L3MBTL4: variants seen among roughly 807,000 people sequenced by gnomAD.
The protein encoded by L3MBTL4 is L3MBTL histone methyl-lysine binding protein 4.
Under a neutral mutation model 84.5 loss-of-function variants are expected in L3MBTL4, and 70 were observed. The ratio of observed to expected loss-of-function variants is 0.83; its 90% confidence interval spans 0.68 to 1.01. The LOEUF (loss-of-function observed/expected upper bound fraction) is 1.01, where lower values mean the gene tolerates loss of function less well. Among genes scored for constraint, L3MBTL4 ranks in the 50% least tolerant of loss-of-function variants. The pLI is 0.00. For missense variants in L3MBTL4, 715 were observed against 754.8 expected (o/e 0.95, Z 0.62); for synonymous variants, 274 against 259.8 (o/e 1.05, Z -0.52).
At chr18:5,988,907 C>A (rs1383932397) in intron 16 of L3MBTL4, among the ~76,000 whole-genome samples, 1 of 152,196 alleles carries the variant, frequency 6.6e-6, no homozygotes. Flanking sequence ...GTCCTTACCA[C>A]CAGTTCATTC....
chr18:6,220,516 G>T (rs1226465433), intron 10 of L3MBTL4, among the ~76,000 whole-genome samples: 2 of 151,970 alleles, frequency 1.3e-5, no homozygotes, highest in African/African-American at 2.4e-5. Context: ...TATATAATAG[G>T]GAGCCCCCCT....
At chr18:6,352,576 C>T (rs1002217676) in intron 1 of L3MBTL4, among the ~76,000 whole-genome samples, 5 of 152,200 alleles carry the variant, frequency 3.3e-5, no homozygotes, top group Non-Finnish European at 5.9e-5. Context: ...CTGCCAGGTA[C>T]TTAACATCTA....
chr18:6,082,348 A>C (rs2058107241), intron 15 of L3MBTL4: 1 of 152,040 alleles, frequency 6.6e-6, no homozygotes, highest in Non-Finnish European at 1.5e-5. Flanking sequence ...TGATATTTAC[A>C]TTCTTGTAGG....
At chr18:6,167,121 A>C (rs2061756063) in intron 13 of L3MBTL4, among the ~76,000 whole-genome samples, 1 of 152,204 alleles carries the variant, frequency 6.6e-6, no homozygotes, top group Non-Finnish European at 1.5e-5. Flanking sequence ...CCCAAGACTA[A>C]ACCAGGAAGA....
At chr18:5,984,142 C>T (rs575407942) in intron 16 of L3MBTL4, among the ~76,000 whole-genome samples, 8 of 152,124 alleles carry the variant, frequency 5.3e-5, no homozygotes, top group Non-Finnish European at 8.8e-5. Flanking sequence ...GAACTCCTGA[C>T]CTCAGGTGAT....
At chr18:6,068,854 T>C (rs538015960) in intron 16 of L3MBTL4, among the ~76,000 whole-genome samples, 1 of 152,306 alleles carries the variant, frequency 6.6e-6, no homozygotes, top group South Asian at 2.1e-4. Context: ...TGGAAAGATC[T>C]GGGACTCAAG....
At chr18:6,191,207 G>C (rs2045066644) in intron 12 of L3MBTL4, among the ~76,000 whole-genome samples, 1 of 152,200 alleles carries the variant, frequency 6.6e-6, no homozygotes, top group Admixed American at 6.5e-5. Context: ...GAGGTGGCTG[G>C]AGTGGAAGCT....
intron 13 of L3MBTL4, among the ~76,000 whole-genome samples, chr18:6,161,915 A>G (rs2043356636): frequency 2.7e-5 from 4 of 150,430 alleles, no homozygotes; most frequent in Admixed American, 2.7e-4. Context: ...AAAAATACAT[A>G]TAATTCTTAT....
chr18:6,026,486 A>C (rs2055510614), intron 16 of L3MBTL4, among the ~76,000 whole-genome samples: 1 of 152,270 alleles, frequency 6.6e-6, no homozygotes, highest in Admixed American at 6.5e-5. Flanking sequence ...AAGCTGTGGG[A>C]GACAGTCTGA....
At chr18:6,056,857 A>G (rs1342295063) in intron 16 of L3MBTL4, among the ~76,000 whole-genome samples, 1 of 152,200 alleles carries the variant, frequency 6.6e-6, no homozygotes, top group African/African-American at 2.4e-5. Flanking sequence ...GTGCCTCAAC[A>G]GTAAAACAGA....
intron 16 of L3MBTL4, among the ~76,000 whole-genome samples, chr18:6,041,927 T>A (rs2056420409): frequency 6.6e-6 from 1 of 152,098 alleles, no homozygotes; most frequent in Admixed American, 6.5e-5. Flanking sequence ...CTCACTACGT[T>A]GCCCAGGCTG....
rs1057506743 is a variant in L3MBTL4 at position 5,955,234 on chromosome 18, TCAAA to T, written c.*982_*985del. 1.3e-5 allele frequency: 2 copies of T among 152,242 alleles called. No individual in the cohort carries two copies. Among genetic ancestry groups the T allele is most frequent in the Admixed American group, 1.3e-4 (2 of 15,286 alleles). 9.4% of individuals were successfully genotyped at this position (152,242 alleles called of 1,614,324 possible). ...AGGCCTGACAACAAATCGGAATGTT[TCAAA>T]CAAAGAATAAGTACCACGCTCCCTA... On this transcript the variant is annotated 3_prime_UTR_variant, in exon 19 of 19. Transcript: ENST00000317931.
chr18:6,250,768 A>G (rs1306331792), intron 5 of L3MBTL4, among the ~76,000 whole-genome samples: 1 of 152,228 alleles, frequency 6.6e-6, no homozygotes, highest in Non-Finnish European at 1.5e-5. Context: ...AAAGGGAAAG[A>G]TGTTCACAGG....
chr18:6,021,799 C>T (rs2055282540), intron 16 of L3MBTL4, among the ~76,000 whole-genome samples: 1 of 152,110 alleles, frequency 6.6e-6, no homozygotes, highest in African/African-American at 2.4e-5. Context: ...AGCCTCCCTG[C>T]CAGCTCTTCC....
chr18:6,032,283 TAAAA>T (rs56241623), intron 16 of L3MBTL4: 401 of 912,784 alleles, frequency 4.4e-4, no homozygotes, highest in South Asian at 5.1e-4. Context: ...GGCCTTAAAT[TAAAA>T]AAAAAAAAAA....
At chr18:6,307,532 T>A (rs2050646363) in intron 3 of L3MBTL4, among the ~76,000 whole-genome samples, 1 of 152,108 alleles carries the variant, frequency 6.6e-6, no homozygotes, top group African/African-American at 2.4e-5. Context: ...GCATTCAAGG[T>A]AAATATCTTA....
chr18:6,103,754 T>C (rs2058909717), intron 14 of L3MBTL4, among the ~76,000 whole-genome samples: 1 of 152,240 alleles, frequency 6.6e-6, no homozygotes, highest in Admixed American at 6.5e-5. Flanking sequence ...TAAACATTAA[T>C]ATTGAACCAA....
At chr18:6,383,965 A>C (rs2054708716) in intron 1 of L3MBTL4, among the ~76,000 whole-genome samples, 1 of 152,190 alleles carries the variant, frequency 6.6e-6, no homozygotes, top group South Asian at 2.1e-4. Context: ...TATCCTTGGA[A>C]AATATTTTAC....
intron 16 of L3MBTL4, among the ~76,000 whole-genome samples, chr18:6,067,479 C>T (rs1359659013): frequency 6.6e-6 from 1 of 152,108 alleles, no homozygotes; most frequent in South Asian, 2.1e-4. Context: ...ATTTCTTGTA[C>T]ACTTTATTCA....
Sources: gnomAD v4.1 joint callset for allele counts (sites outside exome capture counted in the v4.1 genomes callset) on GRCh38, gnomAD v4.1.1 for gene constraint, MANE v1.5 for transcripts, NCBI Gene and HGNC (gene_info 2026-07-23, HGNC 2026-07-21) for gene names.